The following SFI1 variants were observed in gnomAD, a reference collection of about 807,000 sequenced individuals.
SFI1 encodes SFI1 centrin binding protein.
In SFI1, 195 loss-of-function variants were observed where a neutral mutation model predicts 207.5. The observed-to-expected ratio is 0.94, with a 90% confidence interval of 0.84 to 1.06. The LOEUF is 1.06. SFI1 is among the 50% of genes least tolerant of loss of function. The probability of loss-of-function intolerance (pLI) is 0.00; values close to 1 mark genes in which losing one functional copy is unlikely to be tolerated. For missense variants in SFI1, 1,634 were observed against 1,588.0 expected, an observed-to-expected ratio of 1.03 and a Z score of -0.49; for synonymous variants, 630 against 598.9, an observed-to-expected ratio of 1.05 and a Z score of -0.76.
intron 2 of SFI1, among the ~76,000 whole-genome samples, chr22:31,519,266 A>C (rs1012520405): frequency 2.5e-4 from 37 of 146,154 alleles, no homozygotes; most frequent in Middle Eastern, 3.6e-3. Context: ...TTTTTCTTTT[A>C]TTTTCCATTT....
At chr22:31,514,522 A>T (rs2056188283) in intron 2 of SFI1, among the ~76,000 whole-genome samples, 3 of 150,896 alleles carry the variant, frequency 2.0e-5, no homozygotes, top group African/African-American at 7.3e-5. Flanking sequence ...AAAAAAAAAA[A>T]AAAAAAAAAT....
chr22:31,561,394 T>G lies in SFI1; in HGVS notation c.765+2T>G. The G allele has an allele frequency of 6.2e-7, 1 of 1,612,342 alleles. No homozygotes were observed. Among genetic ancestry groups the G allele is most frequent in the Non-Finnish European group, 8.5e-7 (1 of 1,179,198 alleles). The stretch of plus-strand genomic sequence containing the variant: ...AGGGCCCTGAGCCTCCAGGTGCAGG[T>G]GAGTCCAGCAGACGTGGGATTTGGC... On this transcript the variant is annotated splice_donor_variant, in intron 8 of 32. Coordinates refer to ENST00000400288, the MANE Select transcript of SFI1 (RefSeq NM_001007467.3). LOFTEE classifies it high-confidence loss of function.
intron 15 of SFI1, among the ~76,000 whole-genome samples, chr22:31,600,933 G>A (rs779912080): frequency 6.6e-6 from 1 of 152,294 alleles, no homozygotes; most frequent in South Asian, 2.1e-4. Flanking sequence ...TGTGTCTTGC[G>A]TGTTAAATGT....
Position 31,616,892 on chromosome 22 carries a change from C to CCTGA in SFI1, c.3433+18_3433+19insACTG, listed in dbSNP as rs199516535. On this transcript the variant is annotated intron_variant, in intron 30 of 32. Transcript: ENST00000400288. ...TTCAACTGCAGGTGTGTACCTGGGG[C>CCTGA]CTGTCAGGGCAGAAAGCACTCAGGC... 28,441 of 1,609,046 alleles carry CCTGA rather than the reference C, an allele frequency of 0.018. 294 individuals carry two copies. Among genetic ancestry groups the CCTGA allele is most frequent in the South Asian group, 0.023 (2,074 of 90,204 alleles).
rs1184807020 is a variant in SFI1 at position 31,582,202 on chromosome 22, CATTTTATATA to C, written c.1249-1672_1249-1663del. On this transcript the variant is annotated intron_variant, in intron 12 of 32. Transcript: ENST00000400288. ...TTCCCCCAACAACACTTCTTTATTACATTTTATATATATATATATATATATATATATATAT... is the reference window on the plus strand; with the variant it reads ...TTCCCCCAACAACACTTCTTTATTACTATATATATATATATATATATATAT... 5.7e-3 allele frequency among the ~76,000 whole-genome samples: 243 copies of C among 42,434 alleles called. 13 individuals carry two copies. Among genetic ancestry groups the C allele is most frequent in the Middle Eastern group, 0.017 (1 of 58 alleles). 27.8% of individuals were successfully genotyped at this position (42,434 alleles called of 152,430 possible).
chr22:31,547,437 A>G (rs930484500), intron 5 of SFI1, among the ~76,000 whole-genome samples: 4 of 152,066 alleles, frequency 2.6e-5, no homozygotes, highest in African/African-American at 4.8e-5. Context: ...CAGTCTCCCA[A>G]GTAATTGGGA....
chr22:31,566,120 ATTT>A (rs59506981), intron 8 of SFI1, among the ~76,000 whole-genome samples: 1 of 139,478 alleles, frequency 7.2e-6, no homozygotes, highest in Non-Finnish European at 1.6e-5. Context: ...TTCTTTTTCT[ATTT>A]TTTTTTTTTT....
chr22:31,587,969 T>C (rs1183569052), intron 14 of SFI1: 3 of 152,216 alleles, frequency 2.0e-5, no homozygotes, highest in Non-Finnish European at 2.9e-5. Context: ...TCTATTCACA[T>C]ACACATACAT....
intron 1 of SFI1, 29 bp downstream of exon 1, chr22:31,496,666 C>G (rs527643765): frequency 6.6e-6 from 1 of 152,416 alleles, no homozygotes; most frequent in African/African-American, 2.4e-5. Flanking sequence ...ACGTCCCCAC[C>G]CTCTTCTGGG....
chr22:31,593,122 G>T (rs1286144027), intron 15 of SFI1, among the ~76,000 whole-genome samples: 4 of 144,434 alleles, frequency 2.8e-5, no homozygotes, highest in African/African-American at 1.0e-4. Context: ...GCGGCTGGCC[G>T]GGCGGGGGGC....
intron 4 of SFI1, among the ~76,000 whole-genome samples, chr22:31,544,798 G>A (rs942839332): frequency 6.6e-6 from 1 of 151,938 alleles, no homozygotes; most frequent in Admixed American, 6.6e-5. Context: ...ATCTTTAATC[G>A]GTAAAATCAA....
chr22:31,616,819 T>C lies in SFI1; in HGVS notation c.3375T>C (p.His1125=). ...PSSLASVPDP[H]LLLPGDFSAT... is the part of the protein sequence containing the mutation. ...CCCTGGCCAGTGTCCCTGACCCCCA[T>C]CTACTCCTTCCTGGGGACTTCTCAG... The change falls in exon 30 of 33, where the codon CAT becomes CAC. Residue 1125 remains histidine, a synonymous_variant. Coordinates refer to ENST00000400288, the MANE Select transcript of SFI1 (RefSeq NM_001007467.3). 1 of 1,612,762 alleles carries C rather than the reference T, an allele frequency of 6.2e-7. No individual in the cohort carries two copies. Among genetic ancestry groups the C allele is most frequent in the Non-Finnish European group, 8.5e-7 (1 of 1,179,312 alleles).
chr22:31,550,287 G>T lies in SFI1; in HGVS notation c.483G>T (p.Trp161Cys), dbSNP rs1340512124. Residue 161 changes from tryptophan to cysteine, a missense_variant, in exon 6 of 33, where the codon TGG becomes TGT. Transcript: ENST00000400288. Reference protein sequence around the residue: ...YYLYNLMFQTWKTYVRQQQEM... With the variant: ...YYLYNLMFQTCKTYVRQQQEM... ...TGTACAACCTGATGTTCCAGACGTG[G>T]AAGACCTATGTGCGTCAGCAGCAGG... is the stretch of plus-strand genomic sequence containing the variant. 4 of 1,614,020 alleles carry T rather than the reference G, an allele frequency of 2.5e-6. No homozygotes were observed. The African/African-American group carries it at 5.3e-5, about 22-fold the overall frequency.
rs1004898742 is a variant in SFI1 at position 31,613,137 on chromosome 22, C to T, written c.2491-5C>T. 1.9e-6 allele frequency: 3 copies of T among 1,612,938 alleles called. No individual in the cohort carries two copies. The highest frequency in any genetic ancestry group is 1.7e-5 in the Admixed American group (1 of 59,990). On this transcript the variant is annotated splice_region_variant and splice_polypyrimidine_tract_variant and intron_variant, in intron 24 of 32. Coordinates refer to ENST00000400288, the MANE Select transcript of SFI1 (RefSeq NM_001007467.3). ...AGGGAAATGATCTGGTCTTTCTGGC[C>T]CTAGCTGGCAGCCAGGAGGCAGGAG...
At chr22:31,598,638 C>T (rs1342356684) in intron 15 of SFI1, among the ~76,000 whole-genome samples, 1 of 136,122 alleles carries the variant, frequency 7.3e-6, no homozygotes, top group Non-Finnish European at 1.6e-5. Context: ...AGGATGGTCT[C>T]GATCTCCTGA....
In SFI1 at chr22:31,583,940, C is replaced by G. The variant is rs1248400604; in HGVS notation, c.1314C>G (p.Leu438=). Residue 438 remains leucine (L), a synonymous_variant, in exon 13 of 33, where the codon CTC becomes CTG. Coordinates refer to ENST00000400288, the MANE Select transcript of SFI1 (RefSeq NM_001007467.3). ...AGCAGAAAAAGGAAAGAGAGCTGCTCCCCTTACTGCATGCTGCCTGGGACC... is the reference window on the plus strand; with the variant it reads ...AGCAGAAAAAGGAAAGAGAGCTGCTGCCCTTACTGCATGCTGCCTGGGACC... ...QIEQKKEREL[L]PLLHAAWDHY... is the part of the protein sequence containing the mutation. 5.0e-6 allele frequency: 8 copies of G among 1,614,038 alleles called. No individual in the cohort carries two copies. In the South Asian group the frequency reaches 7.7e-5, roughly 16 times the overall value.
At chr22:31,589,399 TA>T (rs772397910) in intron 14 of SFI1, 47 bp from the exon 15 acceptor site, 23,096 of 1,004,710 alleles carry the variant, frequency 0.023, 9 homozygotes, top group South Asian at 0.042. Flanking sequence ...AGGTCATGTT[TA>T]AAAAAAAAAA....
intron 2 of SFI1, among the ~76,000 whole-genome samples, chr22:31,516,034 G>A (rs2056446058): frequency 6.6e-6 from 1 of 151,928 alleles, no homozygotes; most frequent in Non-Finnish European, 1.5e-5. Flanking sequence ...TGGGTATCTG[G>A]ATTTTCTCTT....
At chr22:31,517,124 A>C (rs1161274947) in intron 2 of SFI1, among the ~76,000 whole-genome samples, 2 of 151,630 alleles carry the variant, frequency 1.3e-5, no homozygotes, top group African/African-American at 2.4e-5. Flanking sequence ...ACAGAGTGAG[A>C]CTCTGTCTCA....
Sources: allele counts gnomAD v4.1 joint callset (sites outside exome capture counted in the v4.1 genomes callset), GRCh38; gene constraint gnomAD v4.1.1; transcripts MANE v1.5; gene names NCBI Gene and HGNC (gene_info 2026-07-23, HGNC 2026-07-21).